Variants in C6orf132 observed in about 807,000 individuals in gnomAD.
C6orf132 encodes the protein chromosome 6 open reading frame 132, also known as uncharacterized protein C6orf132.
In C6orf132, 43 loss-of-function variants were observed where a neutral mutation model predicts 65.3. The ratio of observed to expected loss-of-function variants is 0.66; its 90% CI spans 0.52 to 0.85. C6orf132 has a LOEUF of 0.85. C6orf132 is among the 40% of genes least tolerant of loss of function. The pLI is 0.00. For missense variants in C6orf132, 1,488 were observed against 1,548.8 expected, an observed-to-expected ratio of 0.96 and a Z score of 0.66; for synonymous variants, 631 against 654.1, an observed-to-expected ratio of 0.96 and a Z score of 0.54.
rs1766404901 is a variant in C6orf132, at chr6:42,106,269, A to T, written c.1643T>A (p.Leu548Gln). The part of the protein sequence containing the change: ...TETEAAPSLT[L>Q]PSVDYIPQDS... ...TTGGGGAATGTAGTCCACAGAGGGC[A>T]GGGTCAGGCTGGGGGCAGCCTCTGT... Residue 548 changes from leucine to glutamine, a missense_variant, in exon 4 of 5, where the codon CTG becomes CAG. By Grantham distance (113) the Leu-to-Gln change is moderately radical. Transcript: ENST00000341865. 1 of 1,536,942 alleles carries T rather than the reference A, an allele frequency of 6.5e-7. No homozygotes were observed. Among genetic ancestry groups the T allele is most frequent in the African/African-American group, 1.4e-5 (1 of 73,052 alleles).
chr6:42,111,243 C>G (rs556644190), intron 2 of C6orf132, among the ~76,000 whole-genome samples: 3 of 150,170 alleles, frequency 2.0e-5, no homozygotes, highest in South Asian at 4.2e-4. Context: ...CCATCTGTAG[C>G]TGGGACTACA....
intron 1 of C6orf132, among the ~76,000 whole-genome samples, chr6:42,142,093 T>A (rs1157373093): frequency 6.7e-6 from 1 of 148,424 alleles, no homozygotes; most frequent in Non-Finnish European, 1.5e-5. Context: ...GTGGGGGGGG[T>A]CCCCTCGTTC....
chr6:42,131,882 C>G (rs2127479069), intron 1 of C6orf132, among the ~76,000 whole-genome samples: 1 of 152,232 alleles, frequency 6.6e-6, no homozygotes, highest in African/African-American at 2.4e-5. Context: ...GTTGGAAGGC[C>G]CAGGTGGCTC....
At position 42,106,447 on chromosome 6, in the gene C6orf132, T is replaced by G; in HGVS notation, c.1465A>C (p.Ser489Arg). Reference sequence around the variant, plus strand: ...GCCACTGTTGGGCCTGGCCTGTGACTGAGGAATCGGTCCTCTCTCCTGGAG... The same window carrying G: ...GCCACTGTTGGGCCTGGCCTGTGACGGAGGAATCGGTCCTCTCTCCTGGAG... The part of the protein sequence containing the change: ...CGSRREDRFL[S>R]HRPGPTVAPQ... Residue 489 changes from serine (S) to arginine (R), a missense_variant, in exon 4 of 5, where the codon AGT becomes CGT. Ser to Arg is a moderately radical substitution (Grantham distance 110, BLOSUM62 -1). Transcript: ENST00000341865. 2 of 1,536,232 alleles carry G rather than the reference T, an allele frequency of 1.3e-6. No individual in the cohort carries two copies. Among genetic ancestry groups the G allele is most frequent in the South Asian group, 1.2e-5 (1 of 84,044 alleles).
Position 42,104,581 on chromosome 6 carries a change from G to A in C6orf132, c.3331C>T (p.Pro1111Ser). 9.1e-6 allele frequency: 12 copies of A among 1,324,568 alleles called. No individual in the cohort carries two copies. Among genetic ancestry groups the A allele is most frequent in the South Asian group, 2.1e-5 (1 of 48,548 alleles). 82.1% of individuals were successfully genotyped at this position (1,324,568 alleles called of 1,614,324 possible). The stretch of plus-strand genomic sequence containing the variant: ...CTCGGCGCGTGCAGGCCTCCGGGGG[G>A]CGCGCGACCCGCCGAGTTCACGCGC... ...MRRVNSAGRA[P>S]PGGLHAPRLS... Residue 1111 changes from proline to serine, a missense_variant, in exon 4 of 5, where the codon CCC (proline) becomes TCC (serine). Coordinates refer to ENST00000341865, the MANE Select transcript of C6orf132 (RefSeq NM_001164446.3). This position sits in a 1 kb window ranked among gnomAD's most constrained non-coding sequence, Gnocchi z 4.1.
intron 1 of C6orf132, 23 bp from the exon 2 acceptor site, chr6:42,128,801 C>T: frequency 6.6e-7 from 1 of 1,521,674 alleles, no homozygotes; most frequent in Non-Finnish European, 8.9e-7. Flanking sequence ...AGTGAGGGGA[C>T]ACCATAAGCT....
rs1213909019 is a variant in C6orf132 at position 42,106,902 on chromosome 6, C to A, written c.1010G>T (p.Arg337Leu). 10 of 1,534,936 alleles carry A rather than the reference C, an allele frequency of 6.5e-6. No homozygotes were observed. The highest frequency in any genetic ancestry group is 8.7e-6 in the Non-Finnish European group (10 of 1,145,922). Residue 337 changes from arginine to leucine, a missense_variant, in exon 4 of 5, where the codon CGA becomes CTA. Coordinates refer to ENST00000341865, the MANE Select transcript of C6orf132 (RefSeq NM_001164446.3). Reference sequence around the variant, plus strand: ...GTGGAAGCTGGGAGGCAGTGGGAGTCGGCTGGGAGCCTTCTTGGTGGCCCC... The same window carrying A: ...GTGGAAGCTGGGAGGCAGTGGGAGTAGGCTGGGAGCCTTCTTGGTGGCCCC... ...EEGATKKAPS[R>L]LPLPPSFHIR...
intron 1 of C6orf132, among the ~76,000 whole-genome samples, chr6:42,137,545 C>G (rs1766963178): frequency 6.6e-6 from 1 of 152,020 alleles, no homozygotes; most frequent in Non-Finnish European, 1.5e-5. Context: ...AACACCAGAA[C>G]CTGCAGCCAC....
In C6orf132 at chr6:42,103,630, G is replaced by A. The variant is rs1582266098; in HGVS notation, c.*131C>T. 2.1e-6 allele frequency: 1 copy of A among 465,446 alleles called. No homozygotes were observed. The highest frequency in any genetic ancestry group is 7.4e-5 in the South Asian group (1 of 13,556). 28.8% of individuals were successfully genotyped at this position (465,446 alleles called of 1,614,324 possible). A position where few individuals can be genotyped will look rare whatever the true frequency, so the allele number is the denominator to read the frequency against. On this transcript the variant is annotated 3_prime_UTR_variant, in exon 5 of 5. Transcript: ENST00000341865. Reference sequence around the variant, plus strand: ...CTGCTTCTCATCGTTGGTCTTTGGGGATCAAAGACTCCTCTGTGTCTGAGT... The same window carrying A: ...CTGCTTCTCATCGTTGGTCTTTGGGAATCAAAGACTCCTCTGTGTCTGAGT...
chr6:42,114,099 T>TAAAGGCA (rs1766531540), intron 2 of C6orf132, among the ~76,000 whole-genome samples: 1 of 152,110 alleles, frequency 6.6e-6, no homozygotes, highest in African/African-American at 2.4e-5. Flanking sequence ...TAAGGTAATA[T>TAAAGGCA]TACTCACTAT....
chr6:42,139,171 T>C (rs1372391817), intron 1 of C6orf132, among the ~76,000 whole-genome samples: 1 of 152,224 alleles, frequency 6.6e-6, no homozygotes, highest in Non-Finnish European at 1.5e-5. Context: ...TTCCACCGCC[T>C]GTTCTCTAAG....
intron 1 of C6orf132, among the ~76,000 whole-genome samples, chr6:42,135,343 C>T (rs1039854693): frequency 2.0e-5 from 3 of 152,198 alleles, no homozygotes; most frequent in African/African-American, 7.2e-5. Context: ...TGGCAGGGCA[C>T]GTGGCTCCCT....
chr6:42,113,721 A>T (rs1766524899), intron 2 of C6orf132, among the ~76,000 whole-genome samples: 1 of 152,118 alleles, frequency 6.6e-6, no homozygotes, highest in African/African-American at 2.4e-5. Flanking sequence ...AGGCTAAGGC[A>T]GGGAGAATTG....
chr6:42,107,306 A>G lies in C6orf132; in HGVS notation c.606T>C (p.Thr202=), dbSNP rs1184155131. The G allele has an allele frequency of 2.7e-6, 3 of 1,092,260 alleles. No homozygotes were observed. Among genetic ancestry groups the G allele is most frequent in the African/African-American group, 2.2e-5 (1 of 45,666 alleles). 67.7% of individuals were successfully genotyped at this position (1,092,260 alleles called of 1,614,324 possible). The change falls in exon 4 of 5, where the codon ACT becomes ACC. Residue 202 remains threonine, a synonymous_variant. Transcript: ENST00000341865. ...PVLEALSPPH[T]LSSPSIPTPP... ...GGGTGGGTATGGATGGGGAGGAAAG[A>G]GTGTGTGGTGGGGATAGGGCCTCCA...
At position 42,103,726 on chromosome 6, in the gene C6orf132, C is replaced by G; in HGVS notation, c.*35G>C. 1.6e-6 allele frequency: 2 copies of G among 1,270,774 alleles called. No homozygotes were observed. Among genetic ancestry groups the G allele is most frequent in the South Asian group, 2.0e-5 (1 of 48,828 alleles). The allele number at this position is 1,270,774 out of a possible 1,614,324, so 78.7% of individuals were successfully genotyped here. A position where few individuals can be genotyped will look rare whatever the true frequency, so the allele number is the denominator to read the frequency against. On this transcript the variant is annotated 3_prime_UTR_variant, in exon 5 of 5. Transcript: ENST00000341865. ...ACAAGTGCCCAGATCCTTAAAGACA[C>G]AGTTTGTTGGAGTAGAGCTAAGAGA... is the stretch of plus-strand genomic sequence containing the variant.
In C6orf132 at chr6:42,105,423, C is replaced by T. The variant is rs1444617937; in HGVS notation, c.2489G>A (p.Gly830Glu). 1 of 1,535,510 alleles carries T rather than the reference C, an allele frequency of 6.5e-7. No homozygotes were observed. Among genetic ancestry groups the T allele is most frequent in the South Asian group, 1.2e-5 (1 of 84,050 alleles). Residue 830 changes from glycine (G) to glutamate (E), a missense_variant, in exon 4 of 5, where the codon GGG (glycine) becomes GAG (glutamate). Gly to Glu is a moderately conservative substitution (Grantham distance 98). Coordinates refer to ENST00000341865, the MANE Select transcript of C6orf132 (RefSeq NM_001164446.3). ...TDELLRHPVT[G>E]EVVERGSPMA... ...CGGCGAGCCCCGCTCCACCACCTCC[C>T]CAGTCACCGGGTGCCTGAGGAGTTC...
Position 42,142,592 on chromosome 6 carries a change from GCT to G in C6orf132, c.-150_-149del. 6 of 679,406 alleles carry G rather than the reference GCT, an allele frequency of 8.8e-6. No homozygotes were observed. The highest frequency in any genetic ancestry group is 3.9e-5 in the Admixed American group (1 of 25,468). The allele number at this position is 679,406 out of a possible 1,614,324, so 42.1% of individuals were successfully genotyped here. ...CCCGCCCGCGCACCGGGCAACAGGT[GCT>G]GCGGGCGCCGCCGCTTGCCGGGAAA... is the stretch of plus-strand genomic sequence containing the variant. On this transcript the variant is annotated 5_prime_UTR_variant, in exon 1 of 5. Transcript: ENST00000341865.
Position 42,105,170 on chromosome 6 carries a change from A to G in C6orf132, c.2742T>C (p.Asn914=), listed in dbSNP as rs1164494743. Residue 914 remains asparagine (N), a synonymous_variant, in exon 4 of 5, where the codon AAT becomes AAC. Coordinates refer to ENST00000341865, the MANE Select transcript of C6orf132 (RefSeq NM_001164446.3). ...KDSPLTTEIP[N]KWGPRLGRDA... ...CTCTTCCCAGCCGCGGCCCCCACTT[A>G]TTGGGTATTTCGGTCGTCAGCGGGG... is the stretch of plus-strand genomic sequence containing the variant. 4 of 1,536,696 alleles carry G rather than the reference A, an allele frequency of 2.6e-6. No homozygotes were observed. Among genetic ancestry groups the G allele is most frequent in the African/African-American group, 2.7e-5 (2 of 72,916 alleles).
intron 2 of C6orf132, among the ~76,000 whole-genome samples, chr6:42,112,286 T>A (rs565449695): frequency 2.0e-5 from 3 of 152,268 alleles, no homozygotes; most frequent in South Asian, 2.1e-4. Flanking sequence ...CAAACCCAGG[T>A]CTGTGGAGCT....
Sources: allele counts gnomAD v4.1 joint callset (sites outside exome capture counted in the v4.1 genomes callset), GRCh38; gene constraint gnomAD v4.1.1; non-coding constraint Gnocchi (gnomAD v3.1); transcripts MANE v1.5; gene names NCBI Gene and HGNC (gene_info 2026-07-23, HGNC 2026-07-21).